Variants in ENAH observed in about 807,000 individuals in gnomAD.
ENAH encodes the protein ENAH actin regulator.
In ENAH, 23 loss-of-function variants were observed where a neutral mutation model predicts 78.7. The ratio of observed to expected loss-of-function variants is 0.29; its 90% confidence interval spans 0.21 to 0.41. The LOEUF (loss-of-function observed/expected upper bound fraction) is 0.41, where lower values mean the gene tolerates loss of function less well. ENAH is among the 10% of genes least tolerant of loss of function. ENAH has a pLI of 1.00. For missense variants in ENAH, 544 were observed against 691.0 expected, an observed-to-expected ratio of 0.79 and a Z score of 2.39; for synonymous variants, 226 against 241.0, an observed-to-expected ratio of 0.94 and a Z score of 0.58.
chr1:225,599,107 A>G (rs2096917423), intron 1 of ENAH, among the ~76,000 whole-genome samples: 1 of 152,204 alleles, frequency 6.6e-6, no homozygotes. Flanking sequence ...CCTGCCCAAA[A>G]ATGTTTAGCC....
At chr1:225,619,082 T>C (rs988807776) in intron 1 of ENAH, among the ~76,000 whole-genome samples, 5 of 152,112 alleles carry the variant, frequency 3.3e-5, no homozygotes, top group Admixed American at 1.3e-4. Context: ...ACACTGCATA[T>C]ACAACCCAGT....
chr1:225,521,050 A>ACGCG (rs763760412), intron 4 of ENAH, among the ~76,000 whole-genome samples: 3 of 151,978 alleles, frequency 2.0e-5, no homozygotes, highest in Admixed American at 1.3e-4. Context: ...GGACACACGC[A>ACGCG]CGCGCGCGCA....
chr1:225,572,005 G>A (rs745605233), intron 1 of ENAH, among the ~76,000 whole-genome samples: 6 of 152,118 alleles, frequency 3.9e-5, no homozygotes, highest in Non-Finnish European at 7.4e-5. Context: ...TGGGTTGGGT[G>A]GTTTCAGGAA....
intron 1 of ENAH, among the ~76,000 whole-genome samples, chr1:225,599,255 G>A (rs562677512): frequency 8.0e-4 from 122 of 152,084 alleles, no homozygotes; most frequent in Non-Finnish European, 1.3e-3. Flanking sequence ...AAGAGAGACT[G>A]AAGAGACATG....
intron 4 of ENAH, among the ~76,000 whole-genome samples, chr1:225,521,053 C>T (rs750094171): frequency 9.9e-5 from 15 of 151,242 alleles, no homozygotes; most frequent in East Asian, 2.0e-4. Context: ...CACACGCACG[C>T]GCGCGCACAC....
intron 12 of ENAH, among the ~76,000 whole-genome samples, chr1:225,499,215 G>A (rs974475338): frequency 2.6e-4 from 39 of 152,074 alleles, no homozygotes; most frequent in African/African-American, 8.9e-4. Flanking sequence ...AGCCAGGCAC[G>A]GTGGCTCACG....
chr1:225,530,863 T>C (rs914562622), intron 3 of ENAH, among the ~76,000 whole-genome samples: 10 of 151,958 alleles, frequency 6.6e-5, no homozygotes, highest in Non-Finnish European at 1.5e-5. Flanking sequence ...ATGGAAAACA[T>C]CAACAATAAG....
At chr1:225,576,589 AT>A (rs1233635024) in intron 1 of ENAH, among the ~76,000 whole-genome samples, 1 of 152,236 alleles carries the variant, frequency 6.6e-6, no homozygotes, top group Non-Finnish European at 1.5e-5. Flanking sequence ...AAGAAAAACA[AT>A]ATAGAGTTCT....
chr1:225,641,469 T>TAAAAA (rs76444455), intron 1 of ENAH, among the ~76,000 whole-genome samples: 19 of 52,264 alleles, frequency 3.6e-4, no homozygotes, highest in African/African-American at 1.4e-3. Context: ...ACTCCATCTC[T>TAAAAA]AAAAAAAAAA....
chr1:225,519,564 G>T lies in ENAH; in HGVS notation c.436C>A (p.Gln146Lys), dbSNP rs538781531. 9.5e-5 allele frequency: 148 copies of T among 1,555,524 alleles called. 3 individuals are homozygous for T. In the South Asian group the frequency reaches 1.7e-3, roughly 18 times the overall value. The change falls in exon 5 of 14, where the codon CAA (glutamine) becomes AAA (lysine). Residue 146 changes from glutamine (Q) to lysine (K), a missense_variant and splice_region_variant. Physicochemically the swap from Gln to Lys is moderately conservative, Grantham distance 53 (BLOSUM62 1). Coordinates refer to ENST00000366843, the MANE Select transcript of ENAH (RefSeq NM_018212.6). ...SQEELEIQRR[Q>K]LQEQQRQKEL... ...TTTTGCCGTTGCTGTTCTTGTAGTT[G>T]TCTGGAAAAAAAAAAAAAAAAGTAA... is the stretch of plus-strand genomic sequence containing the variant.
rs1288188034 is a variant in ENAH at position 225,491,495 on chromosome 1, A to AT, written c.*6279_*6280insA. 9 of 151,200 alleles carry AT rather than the reference A, an allele frequency of 6.0e-5. No homozygotes were observed. The highest frequency in any genetic ancestry group is 2.1e-4 in the South Asian group (1 of 4,786). The allele number at this position is 151,200 out of a possible 1,614,324, so 9.4% of individuals were successfully genotyped here. A position where few individuals can be genotyped will look rare whatever the true frequency, so the allele number is the denominator to read the frequency against. On this transcript the variant is annotated 3_prime_UTR_variant, in exon 14 of 14. Transcript: ENST00000366843. ...TAATCTTTAAAAAAAAAAATAAAAG[A>AT]AAAAGAAAAAAAGAAAAGAGGTTTC...
intron 1 of ENAH, among the ~76,000 whole-genome samples, chr1:225,590,380 C>T (rs924891964): frequency 6.6e-6 from 1 of 151,894 alleles, no homozygotes; most frequent in South Asian, 2.1e-4. Context: ...TCAAAAATCA[C>T]TTGAGCCCGG....
At chr1:225,580,912 C>CAAAAAAAA (rs78529288) in intron 1 of ENAH, among the ~76,000 whole-genome samples, 24 of 63,900 alleles carry the variant, frequency 3.8e-4, no homozygotes, top group South Asian at 5.5e-4. Flanking sequence ...AGAAAAAAAC[C>CAAAAAAAA]AAAAAAAAAA....
intron 1 of ENAH, among the ~76,000 whole-genome samples, chr1:225,587,082 A>G (rs981278883): frequency 2.6e-5 from 4 of 152,210 alleles, no homozygotes; most frequent in Admixed American, 2.6e-4. Flanking sequence ...AAATATCTAG[A>G]ACATCATACT....
chr1:225,595,725 T>C (rs747902681), intron 1 of ENAH, among the ~76,000 whole-genome samples: 1 of 152,186 alleles, frequency 6.6e-6, no homozygotes, highest in Non-Finnish European at 1.5e-5. Context: ...CTTTATAGTA[T>C]AGCTAAAAAT....
intron 3 of ENAH, among the ~76,000 whole-genome samples, chr1:225,541,032 A>T (rs2096585970): frequency 6.6e-6 from 1 of 152,248 alleles, no homozygotes; most frequent in Non-Finnish European, 1.5e-5. Flanking sequence ...GCAAATCTTC[A>T]GTGATAGAAA....
intron 1 of ENAH, among the ~76,000 whole-genome samples, chr1:225,633,921 A>T (rs542103495): frequency 6.6e-6 from 1 of 152,332 alleles, no homozygotes; most frequent in South Asian, 2.1e-4. Flanking sequence ...CTGGATCAGT[A>T]AGGACATTTA....
In ENAH at chr1:225,493,449, A is replaced by C. The variant is rs550707558; in HGVS notation, c.*4326T>G. 1.1e-4 allele frequency: 16 copies of C among 152,316 alleles called. No individual in the cohort carries two copies. In the East Asian group the frequency reaches 2.9e-3, roughly 28 times the overall value. 9.4% of individuals were successfully genotyped at this position (152,316 alleles called of 1,614,324 possible). On this transcript the variant is annotated 3_prime_UTR_variant, in exon 14 of 14. Coordinates refer to ENST00000366843, the MANE Select transcript of ENAH (RefSeq NM_018212.6). ...ATTCCTTATAAATACCTGTATGTCA[A>C]GTTTTGACTTTAAAAATATTAAATG...
intron 1 of ENAH, among the ~76,000 whole-genome samples, chr1:225,630,870 G>C (rs1558936470): frequency 6.6e-6 from 1 of 152,068 alleles, no homozygotes; most frequent in Non-Finnish European, 1.5e-5. Context: ...TTTGGAAGTT[G>C]GCAATATTAC....
Sources: gnomAD v4.1 joint callset for allele counts (sites outside exome capture counted in the v4.1 genomes callset) on GRCh38, gnomAD v4.1.1 for gene constraint, MANE v1.5 for transcripts, NCBI Gene and HGNC (gene_info 2026-07-23, HGNC 2026-07-21) for gene names.